Variants in CDCA2 observed in about 807,000 individuals in gnomAD.
CDCA2 encodes cell division cycle-associated protein 2.
Under a neutral mutation model 67.0 loss-of-function variants are expected in CDCA2, and 44 were observed. That is an observed-to-expected ratio of 0.66 (90% CI 0.52 to 0.84). The LOEUF (loss-of-function observed/expected upper bound fraction) is 0.84, where lower values mean the gene tolerates loss of function less well. Among genes scored for constraint, CDCA2 ranks in the 40% least tolerant of loss-of-function variants. The pLI is 0.00. For missense variants in CDCA2, 1,253 were observed against 1,203.2 expected, an observed-to-expected ratio of 1.04 and a Z score of -0.61; for synonymous variants, 447 against 418.7, an observed-to-expected ratio of 1.07 and a Z score of -0.82.
At chr8:25,480,478 G>A (rs1803527380) in intron 8 of CDCA2, among the ~76,000 whole-genome samples, 1 of 151,978 alleles carries the variant, frequency 6.6e-6, no homozygotes, top group African/African-American at 2.4e-5. Flanking sequence ...TAATTAATGT[G>A]TCAATCTGTT....
rs1563255495 is a variant in CDCA2 at position 25,460,389 on chromosome 8, G to A, written c.67G>A (p.Ala23Thr). The change falls in exon 3 of 15, where the codon GCC (alanine) becomes ACC (threonine). Residue 23 changes from alanine (A) to threonine (T), a missense_variant. Coordinates refer to ENST00000330560, the MANE Select transcript of CDCA2 (RefSeq NM_152562.4). ...CAATATGTCGTCCGTTTCAGGAAAT[G>A]CCTCTTTCATTTTGGGAACTGGGAA... ...KESAMNNAGN[A>T]SFILGTGKIV... 6.2e-7 allele frequency: 1 copy of A among 1,614,178 alleles called. No individual in the cohort carries two copies. The highest frequency in any genetic ancestry group is 2.2e-5 in the East Asian group (1 of 44,878).
intron 13 of CDCA2, among the ~76,000 whole-genome samples, chr8:25,501,998 T>C (rs1586533396): frequency 6.6e-6 from 1 of 152,096 alleles, no homozygotes; most frequent in African/African-American, 2.4e-5. Context: ...CCCTGGTTCA[T>C]GCAATTCTCC....
At chr8:25,498,031 G>A (rs1804304332) in intron 13 of CDCA2, among the ~76,000 whole-genome samples, 1 of 152,102 alleles carries the variant, frequency 6.6e-6, no homozygotes, top group African/African-American at 2.4e-5. Flanking sequence ...AGGAGCCATA[G>A]AATAAAAGAG....
chr8:25,487,649 A>G lies in CDCA2; in HGVS notation c.1533+315A>G, dbSNP rs368476549. 7.2e-4 allele frequency among the ~76,000 whole-genome samples: 109 copies of G among 152,262 alleles called. 1 individual carries two copies. Among genetic ancestry groups the G allele is most frequent in the African/African-American group, 2.5e-3 (106 of 41,570 alleles). ...TCCCAGCTACTAGGGAGGCTGAGGC[A>G]GGAGAATGGCATGAACTCAGGAGGC... On this transcript the variant is annotated intron_variant, in intron 12 of 14. Coordinates refer to ENST00000330560, the MANE Select transcript of CDCA2 (RefSeq NM_152562.4).
chr8:25,469,883 AT>A lies in CDCA2; in HGVS notation c.736-8del. 1.3e-6 allele frequency: 2 copies of A among 1,575,946 alleles called. No homozygotes were observed. Among genetic ancestry groups the A allele is most frequent in the South Asian group, 1.1e-5 (1 of 89,138 alleles). Reference sequence around the variant, plus strand: ...ATTAATAAAATGTAATACTCTTTCAATTTTTCCCCAAGATATCATCTAAACT... The same window carrying A: ...ATTAATAAAATGTAATACTCTTTCAATTTTCCCCAAGATATCATCTAAACT... On this transcript the variant is annotated splice_polypyrimidine_tract_variant and intron_variant, in intron 6 of 14. Coordinates refer to ENST00000330560, the MANE Select transcript of CDCA2 (RefSeq NM_152562.4).
intron 5 of CDCA2, among the ~76,000 whole-genome samples, chr8:25,467,504 A>G (rs1802962265): frequency 6.6e-6 from 1 of 152,130 alleles, no homozygotes; most frequent in South Asian, 2.1e-4. Flanking sequence ...TTTTTTAGCT[A>G]GAAAAAAACA....
chr8:25,495,397 AAT>A (rs1804175162), intron 13 of CDCA2, among the ~76,000 whole-genome samples: 2 of 151,378 alleles, frequency 1.3e-5, no homozygotes, highest in Non-Finnish European at 2.9e-5. Context: ...CAAACCTAGA[AAT>A]TTGAATATAA....
In CDCA2 at chr8:25,485,783, T is replaced by C. The variant is rs1484882912; in HGVS notation, c.1390T>C (p.Ser464Pro). The change falls in exon 11 of 15, where the codon TCA (serine) becomes CCA (proline). Residue 464 changes from serine to proline, a missense_variant. Ser to Pro is a moderately conservative substitution (Grantham distance 74, BLOSUM62 -1). Coordinates refer to ENST00000330560, the MANE Select transcript of CDCA2 (RefSeq NM_152562.4). Reference sequence around the variant, plus strand: ...GGAAAACATAGAACCACTTCAAGTATCATTTGCCGTTCTCAGTTCTCCTAA... The same window carrying C: ...GGAAAACATAGAACCACTTCAAGTACCATTTGCCGTTCTCAGTTCTCCTAA... ...NLENIEPLQV[S>P]FAVLSSPNKS... 2.5e-6 allele frequency: 4 copies of C among 1,607,362 alleles called. No homozygotes were observed. The African/African-American group carries it at 5.4e-5, about 22-fold the overall frequency.
At chr8:25,490,908 A>G (rs756770212) in intron 13 of CDCA2, among the ~76,000 whole-genome samples, 1 of 152,336 alleles carries the variant, frequency 6.6e-6, no homozygotes, top group Non-Finnish European at 1.5e-5. Context: ...ATCTTAAATA[A>G]GAAACAAGGC....
At chr8:25,470,779 T>TTA (rs397947231) in intron 7 of CDCA2, among the ~76,000 whole-genome samples, 7 of 151,716 alleles carry the variant, frequency 4.6e-5, no homozygotes, top group African/African-American at 1.5e-4. Flanking sequence ...TTTTTTTTTT[T>TTA]AAGGCAGTTT....
intron 7 of CDCA2, among the ~76,000 whole-genome samples, chr8:25,479,250 C>A (rs1310823158): frequency 6.6e-6 from 1 of 152,144 alleles, no homozygotes; most frequent in Non-Finnish European, 1.5e-5. Context: ...CCCTCTCCCT[C>A]CTCCCTGCTG....
chr8:25,468,164 A>G, intron 5 of CDCA2, 53 bp from the exon 6 acceptor site: 1 of 707,300 alleles, frequency 1.4e-6, no homozygotes, highest in East Asian at 3.5e-5. Flanking sequence ...TATATATAAT[A>G]TATATGAAAA....
intron 13 of CDCA2, among the ~76,000 whole-genome samples, chr8:25,491,329 A>T (rs1207930485): frequency 6.6e-6 from 1 of 152,216 alleles, no homozygotes; most frequent in Admixed American, 6.5e-5. Context: ...AACTGAAGAA[A>T]GGAGTCTTCA....
At chr8:25,485,888 T>TA in intron 11 of CDCA2, 51 bp downstream of exon 11, 1 of 1,056,724 alleles carries the variant, frequency 9.5e-7, no homozygotes, top group South Asian at 1.4e-5. Flanking sequence ...TATATGTGTA[T>TA]ATGTTGATTA....
intron 14 of CDCA2, among the ~76,000 whole-genome samples, chr8:25,504,805 A>G (rs1233205981): frequency 2.0e-5 from 3 of 152,162 alleles, no homozygotes; most frequent in Non-Finnish European, 4.4e-5. Context: ...CTGTTTTTCC[A>G]GGAATACTCT....
intron 5 of CDCA2, among the ~76,000 whole-genome samples, chr8:25,467,066 AC>A (rs370665033): frequency 0.053 from 5,349 of 100,126 alleles, 254 homozygotes; most frequent in African/African-American, 0.12. Context: ...AAAAAAAAAA[AC>A]ACACACACAC....
At chr8:25,497,506 T>A (rs7007389) in intron 13 of CDCA2, among the ~76,000 whole-genome samples, 15,696 of 35,138 alleles carry the variant, frequency 0.45, 1,825 homozygotes, top group South Asian at 0.5. Context: ...AAATAAAAAA[T>A]AAAAAAAAAA....
At chr8:25,464,571 T>A (rs1159964571) in intron 4 of CDCA2, among the ~76,000 whole-genome samples, 1 of 152,242 alleles carries the variant, frequency 6.6e-6, no homozygotes, top group Admixed American at 6.5e-5. Context: ...TATGTAAACA[T>A]TGTTCTCCTT....
In CDCA2 at chr8:25,507,263, A is replaced by G. The variant is rs749771776; in HGVS notation, c.2597A>G (p.Asn866Ser). Residue 866 changes from asparagine to serine, a missense_variant, in exon 15 of 15, where the codon AAT (asparagine) becomes AGT (serine). Physicochemically the swap from Asn to Ser is conservative, Grantham distance 46. Transcript: ENST00000330560. ...AGCTCTGTAGAAATTAGTTTAGAAA[A>G]TTCTGAACTGTTTAAAGATTTGTCT... ...VGSSVEISLE[N>S]SELFKDLSDA... is the part of the protein sequence containing the mutation. 6.2e-7 allele frequency: 1 copy of G among 1,614,008 alleles called. No homozygotes were observed. Among genetic ancestry groups the G allele is most frequent in the East Asian group, 2.2e-5 (1 of 44,888 alleles).
Sources: allele counts gnomAD v4.1 joint callset (sites outside exome capture counted in the v4.1 genomes callset), GRCh38; gene constraint gnomAD v4.1.1; transcripts MANE v1.5; gene names NCBI Gene and HGNC (gene_info 2026-07-23, HGNC 2026-07-21).